The following PRICKLE2 variants were observed in gnomAD, a reference collection of about 807,000 sequenced individuals.
PRICKLE2 encodes the protein prickle-like protein 2.
Under a neutral mutation model 81.4 loss-of-function variants are expected in PRICKLE2, and 21 were observed. The observed-to-expected ratio is 0.26, with a 90% CI of 0.18 to 0.37. The LOEUF is 0.37. Among genes scored for constraint, PRICKLE2 ranks in the 10% least tolerant of loss-of-function variants. The probability of loss-of-function intolerance (pLI) is 1.00; values close to 1 mark genes in which losing one functional copy is unlikely to be tolerated. For synonymous variants in PRICKLE2, 456 were observed against 421.5 expected (o/e 1.08, Z -1.00); for missense variants, 940 against 1,109.0 (o/e 0.85, Z 2.16).
At chr3:64,258,696 T>G (rs1043838433) in intron 2 of PRICKLE2, among the ~76,000 whole-genome samples, 1 of 146,856 alleles carries the variant, frequency 6.8e-6, no homozygotes, top group African/African-American at 2.5e-5. Flanking sequence ...TGGTGGCGGG[T>G]GCCTGCAGTC....
intron 6 of PRICKLE2, among the ~76,000 whole-genome samples, chr3:64,150,955 A>T (rs1179809381): frequency 9.2e-5 from 14 of 152,140 alleles, no homozygotes; most frequent in Admixed American, 8.5e-4. Flanking sequence ...CTGCTGTTCG[A>T]CATCTAAGCG....
At chr3:64,216,804 A>G (rs1487303248) in intron 1 of PRICKLE2, among the ~76,000 whole-genome samples, 1 of 152,126 alleles carries the variant, frequency 6.6e-6, no homozygotes, top group African/African-American at 2.4e-5. Flanking sequence ...GAGCACGTGA[A>G]TTCTTTGCTG....
intron 2 of PRICKLE2, among the ~76,000 whole-genome samples, chr3:64,236,685 C>T (rs908568218): frequency 6.6e-6 from 1 of 152,174 alleles, no homozygotes; most frequent in Non-Finnish European, 1.5e-5. Context: ...ATGGAACTCA[C>T]CCTGGTATTA....
At chr3:64,207,612 T>C (rs1416833639) in intron 1 of PRICKLE2, among the ~76,000 whole-genome samples, 1 of 152,120 alleles carries the variant, frequency 6.6e-6, no homozygotes, top group Non-Finnish European at 1.5e-5. Flanking sequence ...TCTGAACTGG[T>C]GCCCTGCAGC....
At position 64,099,061 on chromosome 3, in the gene PRICKLE2, A is replaced by T; in HGVS notation, c.2525T>A (p.Ile842Asn). 5 of 1,614,184 alleles carry T rather than the reference A, an allele frequency of 3.1e-6. No homozygotes were observed. Among genetic ancestry groups the T allele is most frequent in the Non-Finnish European group, 4.2e-6 (5 of 1,180,030 alleles). The change falls in exon 8 of 8, where the codon ATC becomes AAC. Residue 842 changes from isoleucine to asparagine, a missense_variant. By Grantham distance (149) the Ile-to-Asn change is moderately radical. Coordinates refer to ENST00000638394, the MANE Select transcript of PRICKLE2 (RefSeq NM_198859.4). This position sits in a 1 kb window ranked among gnomAD's most constrained non-coding sequence, Gnocchi z 4.3. ...SRKRQKSKNC[I>N]IS ...CTGATCCCAATCATATTAAGAAATG[A>T]TACAGTTTTTGCTCTTCTGTCTTTT...
chr3:64,241,030 A>G (rs529613223), intron 2 of PRICKLE2, among the ~76,000 whole-genome samples: 1 of 152,338 alleles, frequency 6.6e-6, no homozygotes, highest in African/African-American at 2.4e-5. Flanking sequence ...AACTTTGTAA[A>G]GGACCAAGTG....
intron 1 of PRICKLE2, among the ~76,000 whole-genome samples, chr3:64,224,319 G>A (rs915642595): frequency 6.6e-6 from 1 of 152,210 alleles, no homozygotes; most frequent in Non-Finnish European, 1.5e-5. Context: ...GAAGCCAAGA[G>A]TGAGGAGAAC....
chr3:64,253,471 G>A (rs1254546684), intron 2 of PRICKLE2, among the ~76,000 whole-genome samples: 1 of 152,166 alleles, frequency 6.6e-6, no homozygotes, highest in East Asian at 1.9e-4. Flanking sequence ...GTTCACATGA[G>A]AAACCCTATT....
chr3:64,109,621 C>CT (rs1479824790), intron 7 of PRICKLE2, among the ~76,000 whole-genome samples: 1 of 152,192 alleles, frequency 6.6e-6, no homozygotes, highest in Non-Finnish European at 1.5e-5. Context: ...TGCATAACTT[C>CT]TTACTTCACA....
rs1482875395 is a variant in PRICKLE2 at position 64,098,388 on chromosome 3, A to T, written c.*663T>A. ...GAGCATAAAATGCTTTGGGTCTAAC[A>T]GTTATGTTTTTTCAGCCACAAAAAG... On this transcript the variant is annotated 3_prime_UTR_variant, in exon 8 of 8. Transcript: ENST00000638394. 1 of 151,722 alleles carries T rather than the reference A, an allele frequency of 6.6e-6. No individual in the cohort carries two copies. The highest frequency in any genetic ancestry group is 1.5e-5 in the Non-Finnish European group (1 of 67,992). 9.4% of individuals were successfully genotyped at this position (151,722 alleles called of 1,614,324 possible).
At chr3:64,219,722 A>G (rs368725009) in intron 1 of PRICKLE2, among the ~76,000 whole-genome samples, 1 of 152,244 alleles carries the variant, frequency 6.6e-6, no homozygotes, top group Admixed American at 6.5e-5. Flanking sequence ...AAGGAGCTAT[A>G]TAAGAGAAAC....
At chr3:64,144,282 C>T (rs1486680255) in intron 7 of PRICKLE2, among the ~76,000 whole-genome samples, 3 of 152,216 alleles carry the variant, frequency 2.0e-5, no homozygotes, top group African/African-American at 7.2e-5. Context: ...ACTCTGAAAG[C>T]TGAGTGACTT....
rs1416229120 is a variant in PRICKLE2 at position 64,157,304 on chromosome 3, A to G, written c.458T>C (p.Val153Ala). Residue 153 changes from valine to alanine, a missense_variant, in exon 5 of 8, where the codon GTT (valine) becomes GCT (alanine). Val to Ala is a moderately conservative substitution (Grantham distance 64). Transcript: ENST00000638394. ...TACGAAGCACGGCGGGTGCCAGCAA[A>G]CGCCGTGGCCAGCGCGTGACGCAAA... ...AVFASRAGHG[V>A]CWHPPCFVCT... is the part of the protein sequence containing the mutation. 1.2e-6 allele frequency: 2 copies of G among 1,614,090 alleles called. No homozygotes were observed. Among genetic ancestry groups the G allele is most frequent in the Non-Finnish European group, 1.7e-6 (2 of 1,180,018 alleles).
Position 64,099,757 on chromosome 3 carries a change from G to C in PRICKLE2, c.1829C>G (p.Ser610Cys). The C allele has an allele frequency of 6.2e-7, 1 of 1,614,208 alleles. No homozygotes were observed. The highest frequency in any genetic ancestry group is 8.5e-7 in the Non-Finnish European group (1 of 1,180,028). ...RSAESVRSLL[S>C]AQQYQEMEGN... ...CTCCATCTCCTGGTACTGCTGGGCA[G>C]AGAGCAGGCTGCGAACTGACTCTGC... is the stretch of plus-strand genomic sequence containing the variant. The change falls in exon 8 of 8, where the codon TCT becomes TGT. Residue 610 changes from serine (S) to cysteine (C), a missense_variant. Coordinates refer to ENST00000638394, the MANE Select transcript of PRICKLE2 (RefSeq NM_198859.4). This position sits in a 1 kb window ranked among gnomAD's most constrained non-coding sequence, Gnocchi z 4.3.
intron 2 of PRICKLE2, among the ~76,000 whole-genome samples, chr3:64,171,152 G>A (rs2077924019): frequency 6.6e-6 from 1 of 152,100 alleles, no homozygotes; most frequent in East Asian, 1.9e-4. Context: ...ATATTTACAT[G>A]GTGTCATCCT....
At chr3:64,177,673 C>T (rs1048697169) in intron 2 of PRICKLE2, among the ~76,000 whole-genome samples, 3 of 152,162 alleles carry the variant, frequency 2.0e-5, no homozygotes, top group African/African-American at 7.2e-5. Flanking sequence ...ATGCAATATT[C>T]GTCCTTTGTG....
intron 2 of PRICKLE2, among the ~76,000 whole-genome samples, chr3:64,180,875 G>A (rs1229227042): frequency 6.6e-6 from 1 of 152,150 alleles, no homozygotes; most frequent in Admixed American, 6.6e-5. Context: ...TTTTTCTGTG[G>A]TAAATTCTCT....
intron 2 of PRICKLE2, among the ~76,000 whole-genome samples, chr3:64,167,956 T>C (rs2077863348): frequency 6.6e-6 from 1 of 152,162 alleles, no homozygotes; most frequent in African/African-American, 2.4e-5. Context: ...ACCAACATTA[T>C]GCAGTTGCCA....
chr3:64,179,035 C>CT (rs1320729423), intron 2 of PRICKLE2, among the ~76,000 whole-genome samples: 55 of 97,184 alleles, frequency 5.7e-4, no homozygotes, highest in African/African-American at 2.1e-3. Context: ...TTCTTTCTTT[C>CT]TTTTCTTTCC....
Sources: allele counts gnomAD v4.1 joint callset (sites outside exome capture counted in the v4.1 genomes callset), GRCh38; gene constraint gnomAD v4.1.1; non-coding constraint Gnocchi (gnomAD v3.1); transcripts MANE v1.5; gene names NCBI Gene and HGNC (gene_info 2026-07-23, HGNC 2026-07-21).